The following GSN variants were observed in gnomAD, a reference collection of about 807,000 sequenced individuals.
GSN encodes actin-depolymerizing factor.
A neutral mutation model predicts 85.7 loss-of-function variants in GSN; 56 were observed. The observed-to-expected ratio is 0.65, with a 90% CI of 0.53 to 0.82. GSN has a LOEUF of 0.82. Among genes scored for constraint, GSN ranks in the 40% least tolerant of loss-of-function variants. The pLI is 0.00. For synonymous variants in GSN, 373 were observed against 399.1 expected, an observed-to-expected ratio of 0.93 and a Z score of 0.78; for missense variants, 857 against 979.8, an observed-to-expected ratio of 0.87 and a Z score of 1.67.
chr9:121,312,222 T>G, intron 5 of GSN, 117 bp from the exon 6 acceptor site: 1 of 1,079,820 alleles, frequency 9.3e-7, no homozygotes, highest in Non-Finnish European at 1.4e-6. Context: ...AGCCTTCACC[T>G]GGGCAAGTGC....
intron 3 of GSN, 45 bp downstream of exon 3, chr9:121,302,212 A>G: frequency 6.2e-7 from 1 of 1,602,926 alleles, no homozygotes; most frequent in Non-Finnish European, 8.5e-7. Context: ...CCCATTCTGA[A>G]CAGTGCAGAC....
chr9:121,299,522 TAGGTGCGGAG>T lies in GSN; in HGVS notation c.-9-2437_-9-2428del, dbSNP rs2059552513. ...CATGTTATTTTTTTGCTGGAGGTGTTAGGTGCGGAGAGGCGAGGGGGCTCGCGTGCGTCGC... is the reference window on the plus strand; with the variant it reads ...CATGTTATTTTTTTGCTGGAGGTGTTAGGCGAGGGGGCTCGCGTGCGTCGC... On this transcript the variant is annotated intron_variant, in intron 2 of 17. Transcript: ENST00000432226. This position sits in a 1 kb window ranked among gnomAD's most constrained non-coding sequence, Gnocchi z 4.2. The T allele has an allele frequency of 1.8e-5, 17 of 968,142 alleles. No individual in the cohort carries two copies. In the South Asian group the frequency reaches 7.7e-4, roughly 44 times the overall value. 60.0% of individuals were successfully genotyped at this position (968,142 alleles called of 1,614,324 possible). A position where few individuals can be genotyped will look rare whatever the true frequency, so the allele number is the denominator to read the frequency against.
In GSN at chr9:121,283,675, ATTCATTCATTCATTC is replaced by A. The variant is rs2057697387; in HGVS notation, c.-10+2114_-10+2128del. The A allele has an allele frequency of 6.9e-4, 5 of 7,284 alleles. No homozygotes were observed. In the South Asian group the frequency reaches 0.05, roughly 73 times the overall value. 0.5% of individuals were successfully genotyped at this position (7,284 alleles called of 1,614,324 possible). A position where few individuals can be genotyped will look rare whatever the true frequency, so the allele number is the denominator to read the frequency against. ...TGTCTTGATTTATGTATATAGGTTC[ATTCATTCATTCATTC>A]ATTCATTCATTCATTCATATATTCA... On this transcript the variant is annotated intron_variant, in intron 2 of 17. Transcript: ENST00000432226.
At chr9:121,303,478 A>G (rs1269833630) in intron 4 of GSN, among the ~76,000 whole-genome samples, 1 of 152,216 alleles carries the variant, frequency 6.6e-6, no homozygotes, top group Non-Finnish European at 1.5e-5. Context: ...TTAATAGGGC[A>G]TTGTTAGTCA....
At chr9:121,241,330 A>G (rs913876333) in intron 5 of GSN, among the ~76,000 whole-genome samples, 3 of 152,224 alleles carry the variant, frequency 2.0e-5, no homozygotes, top group African/African-American at 7.2e-5. Flanking sequence ...AACAAACAAA[A>G]TCAAATCTGA....
intron 4 of GSN, among the ~76,000 whole-genome samples, chr9:121,220,624 T>G (rs774852295): frequency 2.6e-5 from 4 of 152,238 alleles, no homozygotes; most frequent in Non-Finnish European, 5.9e-5. Context: ...TTCAGCTGTT[T>G]CACACAAACA....
chr9:121,273,310 C>T (rs1172775059), intron 1 of GSN, among the ~76,000 whole-genome samples: 1 of 152,106 alleles, frequency 6.6e-6, no homozygotes, highest in Admixed American at 6.5e-5. Context: ...CATATGTGAG[C>T]CTTCAGGGTG....
rs111583285 is a variant in GSN at position 121,293,133 on chromosome 9, C to T, written c.-9-8830C>T. Among the ~76,000 whole-genome samples the T allele has an allele frequency of 5.7e-3, 865 of 152,306 alleles. 8 individuals are homozygous for T. Among genetic ancestry groups the T allele is most frequent in the African/African-American group, 0.02 (832 of 41,558 alleles). On this transcript the variant is annotated intron_variant, in intron 2 of 17. Transcript: ENST00000432226. ...GTGCTGCATCATTCATTGTCCCCAT[C>T]GGGAAGGTGGTTGGCCTGGGGAAGC...
intron 14 of GSN, 92 bp from the exon 15 acceptor site, chr9:121,328,799 T>G (rs2063544151): frequency 1.5e-6 from 2 of 1,359,472 alleles, no homozygotes; most frequent in Admixed American, 3.4e-5. Context: ...GAGCAGTTGG[T>G]TGCGCTTGGG....
rs9102 is a variant in GSN, at chr9:121,332,522, T to C, written c.2115T>C (p.Phe705=). The C allele has an allele frequency of 0.033, 53,165 of 1,613,976 alleles. 3,941 individuals are homozygous for C. Among genetic ancestry groups the C allele is most frequent in the Admixed American group, 0.25 (14,738 of 60,002 alleles). Residue 705 remains phenylalanine, a synonymous_variant, in exon 18 of 18, where the codon TTT becomes TTC. Coordinates refer to ENST00000432226, the MANE Select transcript of GSN (RefSeq NM_198252.3). The surrounding 1 kb of genome is among the most constrained non-coding windows in gnomAD (Gnocchi z 4.8). ...AGCAAGGCTTTGAGCCTCCCTCCTTTGTGGGCTGGTTCCTTGGCTGGGATG... is the reference window on the plus strand; with the variant it reads ...AGCAAGGCTTTGAGCCTCCCTCCTTCGTGGGCTGGTTCCTTGGCTGGGATG... ...VVKQGFEPPS[F]VGWFLGWDDD...
chr9:121,221,604 T>C (rs887999820), intron 4 of GSN, among the ~76,000 whole-genome samples: 13 of 152,144 alleles, frequency 8.5e-5, no homozygotes, highest in Admixed American at 7.9e-4. Flanking sequence ...GACATCAGGG[T>C]TCGAGTGCTA....
intron 6 of GSN, among the ~76,000 whole-genome samples, chr9:121,258,761 T>G (rs577682985): frequency 2.0e-5 from 3 of 152,220 alleles, no homozygotes; most frequent in African/African-American, 7.2e-5. Flanking sequence ...GTGAGCAGAA[T>G]CAAGAGAAGA....
At chr9:121,324,739 A>G (rs1023419110) in intron 12 of GSN, 95 bp downstream of exon 12, 5 of 709,536 alleles carry the variant, frequency 7.0e-6, no homozygotes, top group Non-Finnish European at 1.3e-5. Flanking sequence ...TCGTTTGTCC[A>G]TCTGTCTGTC....
At chr9:121,205,288 A>G (rs1453003499), upstream of GSN, among the ~76,000 whole-genome samples, 2 of 152,240 alleles carry the variant, frequency 1.3e-5, no homozygotes, top group Non-Finnish European at 2.9e-5. Context: ...TGTCATGGAA[A>G]GAGACGCCTT....
In GSN at chr9:121,320,237, C is replaced by T. The variant is rs73660438; in HGVS notation, c.1192-1031C>T. Among the ~76,000 whole-genome samples the T allele has an allele frequency of 3.4e-3, 511 of 152,324 alleles. 2 individuals carry two copies. Among genetic ancestry groups the T allele is most frequent in the African/African-American group, 0.012 (493 of 41,570 alleles). ...CCATAGCTCCACCAGGTGGCGCTGC[C>T]GGGCCTCGTGACCACTTGGAAAAAG... is the stretch of plus-strand genomic sequence containing the variant. On this transcript the variant is annotated intron_variant, in intron 10 of 17. Coordinates refer to ENST00000432226, the MANE Select transcript of GSN (RefSeq NM_198252.3).
At chr9:121,208,582 T>C (rs2053920637) in intron 1 of GSN, among the ~76,000 whole-genome samples, 2 of 152,178 alleles carry the variant, frequency 1.3e-5, no homozygotes, top group Non-Finnish European at 2.9e-5. Flanking sequence ...TCAAAATACT[T>C]ACTCCAGCTA....
At chr9:121,305,748 C>T (rs1016115228) in intron 4 of GSN, among the ~76,000 whole-genome samples, 14 of 152,208 alleles carry the variant, frequency 9.2e-5, no homozygotes, top group African/African-American at 3.4e-4. Flanking sequence ...GGCGCTGGCT[C>T]CTGGTGTGAA....
At chr9:121,236,899 C>T (rs1207581892) in intron 5 of GSN, among the ~76,000 whole-genome samples, 1 of 152,216 alleles carries the variant, frequency 6.6e-6, no homozygotes, top group African/African-American at 2.4e-5. Context: ...AACATGAGAG[C>T]CTTTGCTTCT....
At chr9:121,286,613 G>A in intron 2 of GSN, 1 of 1,516,126 alleles carries the variant, frequency 6.6e-7, no homozygotes, top group Non-Finnish European at 8.8e-7. Flanking sequence ...GCCCACAACT[G>A]CTTGAATGAC....
Sources: gnomAD v4.1 joint callset for allele counts (sites outside exome capture counted in the v4.1 genomes callset) on GRCh38, gnomAD v4.1.1 for gene constraint, Gnocchi (gnomAD v3.1) non-coding constraint, MANE v1.5 for transcripts, NCBI Gene and HGNC (gene_info 2026-07-23, HGNC 2026-07-21) for gene names.